Variants in LRIG1 observed in about 807,000 individuals in gnomAD.
LRIG1 encodes the protein leucine-rich repeats and immunoglobulin-like domains protein 1.
Under a neutral mutation model 99.2 loss-of-function variants are expected in LRIG1, and 48 were observed. The ratio of observed to expected loss-of-function variants is 0.48; its 90% CI spans 0.38 to 0.62. The LOEUF is 0.62. Among genes scored for constraint, LRIG1 ranks in the 20% least tolerant of loss-of-function variants. The pLI is 0.00. For missense variants in LRIG1, 1,646 were observed against 1,434.4 expected (o/e 1.15, Z -2.38); for synonymous variants, 772 against 596.1 (o/e 1.29, Z -4.30).
intron 14 of LRIG1, 61 bp downstream of exon 14, chr3:66,383,930 A>C: frequency 1.3e-6 from 2 of 1,512,042 alleles, no homozygotes; most frequent in East Asian, 2.3e-5. Flanking sequence ...AGAGCATTTG[A>C]GAGTCTCTCT....
intron 6 of LRIG1, among the ~76,000 whole-genome samples, chr3:66,411,853 G>A (rs1367038102): frequency 6.8e-6 from 1 of 146,970 alleles, no homozygotes; most frequent in Non-Finnish European, 1.5e-5. Context: ...AACCAGCAAA[G>A]CTAAAAACAG....
intron 3 of LRIG1, among the ~76,000 whole-genome samples, chr3:66,419,434 C>T (rs941754955): frequency 6.6e-6 from 1 of 152,086 alleles, no homozygotes; most frequent in Non-Finnish European, 1.5e-5. Context: ...AAGAGGCAGC[C>T]GTGGAGATGG....
chr3:66,443,751 T>TA (rs1247358749), intron 3 of LRIG1, among the ~76,000 whole-genome samples: 1 of 152,154 alleles, frequency 6.6e-6, no homozygotes, highest in Non-Finnish European at 1.5e-5. Context: ...AGGCCTTGAG[T>TA]GGGGCATGTG....
rs199631725 is a variant in LRIG1, at chr3:66,413,053, T to C, written c.648-39A>G. 51 of 1,610,658 alleles carry C rather than the reference T, an allele frequency of 3.2e-5. No homozygotes were observed. In the East Asian group the frequency reaches 1.1e-3, roughly 35 times the overall value. On this transcript the variant is annotated intron_variant, in intron 5 of 18. Coordinates refer to ENST00000273261, the MANE Select transcript of LRIG1 (RefSeq NM_015541.3). ...GCCAGCAGGGTCAGAGTGTCTTATG[T>C]GCATATCCCACCCACAACCATTCTG...
rs1341555507 is a variant in LRIG1 at position 66,381,631 on chromosome 3, C to G, written c.2618G>C (p.Gly873Ala). The G allele has an allele frequency of 1.2e-6, 2 of 1,612,188 alleles. No individual in the cohort carries two copies. Among genetic ancestry groups the G allele is most frequent in the Admixed American group, 1.7e-5 (1 of 59,942 alleles). Residue 873 changes from glycine to alanine, a missense_variant and splice_region_variant, in exon 17 of 19, where the codon GGT becomes GCT. By Grantham distance (60) the Gly-to-Ala change is moderately conservative. Coordinates refer to ENST00000273261, the MANE Select transcript of LRIG1 (RefSeq NM_015541.3). ...PQANGHIESN[G>A]VCPRDASHFP... The stretch of plus-strand genomic sequence containing the variant: ...GTGGCTTGCATCTCTTGGACACACA[C>G]CTGCAAGTGGATTCCAACACGATTA...
chr3:66,390,260 A>G (rs141793781), intron 12 of LRIG1, among the ~76,000 whole-genome samples: 1 of 152,354 alleles, frequency 6.6e-6, no homozygotes, highest in African/African-American at 2.4e-5. Context: ...AATGATGTCA[A>G]CATATATGCA....
chr3:66,472,099 T>C (rs1009331814), intron 1 of LRIG1, among the ~76,000 whole-genome samples: 2 of 151,878 alleles, frequency 1.3e-5, no homozygotes, highest in African/African-American at 4.8e-5. Flanking sequence ...GGTCAGGAGA[T>C]CAAGACCATC....
chr3:66,461,217 A>T (rs1196126027), intron 2 of LRIG1, among the ~76,000 whole-genome samples: 2 of 152,122 alleles, frequency 1.3e-5, no homozygotes. Context: ...GGGTGTGAAA[A>T]TCACTTGAAC....
At chr3:66,431,289 C>G (rs1037121957) in intron 3 of LRIG1, among the ~76,000 whole-genome samples, 1 of 152,176 alleles carries the variant, frequency 6.6e-6, no homozygotes, top group African/African-American at 2.4e-5. Flanking sequence ...ATGGATTCAA[C>G]CAGACTCCAG....
intron 1 of LRIG1, among the ~76,000 whole-genome samples, chr3:66,488,768 GTAGCTGCCC>G (rs1340245847): frequency 2.0e-5 from 3 of 152,234 alleles, no homozygotes; most frequent in African/African-American, 7.2e-5. Flanking sequence ...AGTGCAGTGA[GTAGCTGCCC>G]TTCCTGTGGC....
At chr3:66,405,763 G>A in intron 8 of LRIG1, 2 of 1,172,738 alleles carry the variant, frequency 1.7e-6, no homozygotes, top group Non-Finnish European at 2.1e-6. Context: ...CAGCCAGTGG[G>A]TCTGGAGCCC....
intron 3 of LRIG1, among the ~76,000 whole-genome samples, chr3:66,435,952 C>T (rs1703342853): frequency 1.3e-5 from 2 of 152,188 alleles, no homozygotes; most frequent in African/African-American, 4.8e-5. Context: ...ATCCTTCAAA[C>T]CAGCAGAAAC....
At chr3:66,397,859 C>T (rs780759124) in intron 11 of LRIG1, among the ~76,000 whole-genome samples, 1 of 152,252 alleles carries the variant, frequency 6.6e-6, no homozygotes, top group East Asian at 1.9e-4. Flanking sequence ...CTTCAGCCTG[C>T]GGCCCGACTG....
At chr3:66,435,075 C>CAGGT (rs777903933) in intron 3 of LRIG1, among the ~76,000 whole-genome samples, 3 of 151,890 alleles carry the variant, frequency 2.0e-5, no homozygotes, top group Non-Finnish European at 2.9e-5. Flanking sequence ...TAAAGTACGG[C>CAGGT]ACATCCATAT....
At chr3:66,401,397 A>C (rs13074230) in intron 9 of LRIG1, among the ~76,000 whole-genome samples, 32,797 of 152,126 alleles carry the variant, frequency 0.22, 3,731 homozygotes, top group Admixed American at 0.28. Flanking sequence ...CCCAGTAAAA[A>C]CGCATTGAAC....
chr3:66,465,217 G>A (rs1559813024), intron 1 of LRIG1, among the ~76,000 whole-genome samples: 1 of 152,108 alleles, frequency 6.6e-6, no homozygotes, highest in Non-Finnish European at 1.5e-5. Flanking sequence ...AAAGAGTGGA[G>A]CCAGCTGTAG....
chr3:66,385,961 C>G lies in LRIG1; in HGVS notation c.1789+20G>C. The G allele has an allele frequency of 6.2e-7, 1 of 1,604,860 alleles. No homozygotes were observed. Among genetic ancestry groups the G allele is most frequent in the Non-Finnish European group, 8.5e-7 (1 of 1,173,924 alleles). ...GCTTTGTAGGATTCTGGTACTATAACAAAGATGGTGTTTCCATACCATTCA... is the reference window on the plus strand; with the variant it reads ...GCTTTGTAGGATTCTGGTACTATAAGAAAGATGGTGTTTCCATACCATTCA... On this transcript the variant is annotated intron_variant, in intron 13 of 18. Coordinates refer to ENST00000273261, the MANE Select transcript of LRIG1 (RefSeq NM_015541.3).
At chr3:66,431,326 A>G (rs1463466437) in intron 3 of LRIG1, among the ~76,000 whole-genome samples, 1 of 152,246 alleles carries the variant, frequency 6.6e-6, no homozygotes, top group African/African-American at 2.4e-5. Flanking sequence ...TCTGGACAAG[A>G]AAAGCAGAAA....
At chr3:66,441,314 G>T (rs1041624979) in intron 3 of LRIG1, among the ~76,000 whole-genome samples, 4 of 152,226 alleles carry the variant, frequency 2.6e-5, no homozygotes, top group African/African-American at 9.6e-5. Context: ...AATTTGCCTT[G>T]AAGTGATGTC....
Sources: allele counts gnomAD v4.1 joint callset (sites outside exome capture counted in the v4.1 genomes callset), GRCh38; gene constraint gnomAD v4.1.1; transcripts MANE v1.5; gene names NCBI Gene and HGNC (gene_info 2026-07-23, HGNC 2026-07-21).